The following NELL1 variants were observed in gnomAD, a reference collection of about 807,000 sequenced individuals.
NELL1 encodes protein kinase C-binding protein NELL1.
A neutral mutation model predicts 107.4 loss-of-function variants in NELL1; 76 were observed. That is an observed-to-expected ratio of 0.71 (90% confidence interval 0.59 to 0.86). The LOEUF (loss-of-function observed/expected upper bound fraction) is 0.86, where lower values mean the gene tolerates loss of function less well. NELL1 is among the 40% of genes least tolerant of loss of function. The probability of loss-of-function intolerance (pLI) is 0.00; values close to 1 mark genes in which losing one functional copy is unlikely to be tolerated. For missense variants in NELL1, 1,024 were observed against 1,005.5 expected (o/e 1.02, Z -0.25); for synonymous variants, 353 against 341.2 (o/e 1.03, Z -0.38).
At chr11:21,071,071 C>A (rs891014328) in intron 12 of NELL1, among the ~76,000 whole-genome samples, 1 of 152,158 alleles carries the variant, frequency 6.6e-6, no homozygotes, top group Non-Finnish European at 1.5e-5. Flanking sequence ...ATCACCATAG[C>A]TATGAGGTTA....
At chr11:20,932,266 T>A (rs1670265814) in intron 9 of NELL1, among the ~76,000 whole-genome samples, 1 of 151,670 alleles carries the variant, frequency 6.6e-6, no homozygotes, top group South Asian at 2.1e-4. Context: ...ATCTGTATTA[T>A]TTTGGTAGAC....
chr11:21,543,234 T>G lies in NELL1; in HGVS notation c.1786+8720T>G, dbSNP rs187057895. ...TTAGTGTGGTCTCATTACTTCAAAA[T>G]TGTTGTTTCCAAAGAGCTTTACACA... is the stretch of plus-strand genomic sequence containing the variant. On this transcript the variant is annotated intron_variant, in intron 16 of 19. Transcript: ENST00000357134. Among the ~76,000 whole-genome samples, 14 of 152,212 alleles carry G rather than the reference T, an allele frequency of 9.2e-5. No individual in the cohort carries two copies. The East Asian group carries it at 2.5e-3, about 27-fold the overall frequency.
intron 14 of NELL1, among the ~76,000 whole-genome samples, chr11:21,233,126 G>A (rs1858108358): frequency 6.6e-6 from 1 of 152,172 alleles, no homozygotes; most frequent in African/African-American, 2.4e-5. Flanking sequence ...TCTCTCAGAT[G>A]GGTTTCCGTG....
At chr11:21,450,092 A>C (rs73461286) in intron 15 of NELL1, among the ~76,000 whole-genome samples, 3,895 of 152,290 alleles carry the variant, frequency 0.026, 178 homozygotes, top group African/African-American at 0.087. Flanking sequence ...ATGGCTAGTA[A>C]TGATGCAGCT....
chr11:21,219,255 T>A (rs1276268027), intron 13 of NELL1, among the ~76,000 whole-genome samples: 1 of 152,186 alleles, frequency 6.6e-6, no homozygotes, highest in African/African-American at 2.4e-5. Flanking sequence ...TTTAAAAATA[T>A]CTTTGTTGTC....
intron 14 of NELL1, among the ~76,000 whole-genome samples, chr11:21,267,206 C>A (rs1463883375): frequency 6.6e-6 from 1 of 151,926 alleles, no homozygotes; most frequent in Non-Finnish European, 1.5e-5. Flanking sequence ...ATCTCCAAAT[C>A]AAAGACAAAG....
At chr11:21,144,025 A>G (rs941822916) in intron 13 of NELL1, among the ~76,000 whole-genome samples, 1 of 152,224 alleles carries the variant, frequency 6.6e-6, no homozygotes, top group Non-Finnish European at 1.5e-5. Context: ...TGGGTTAAGT[A>G]TAAAGTCTGA....
intron 14 of NELL1, among the ~76,000 whole-genome samples, chr11:21,330,342 A>G (rs1404857486): frequency 1.3e-5 from 2 of 152,170 alleles, no homozygotes; most frequent in Non-Finnish European, 2.9e-5. Flanking sequence ...ACCATGTGGA[A>G]TAGAATTCCA....
At chr11:21,427,890 T>C (rs1852867116) in intron 15 of NELL1, among the ~76,000 whole-genome samples, 1 of 152,162 alleles carries the variant, frequency 6.6e-6, no homozygotes, top group Admixed American at 6.5e-5. Context: ...TAAAAGCCAC[T>C]GCAACTTCCC....
At chr11:21,429,862 C>G (rs1184473708) in intron 15 of NELL1, among the ~76,000 whole-genome samples, 2 of 152,128 alleles carry the variant, frequency 1.3e-5, no homozygotes, top group African/African-American at 4.8e-5. Flanking sequence ...AGAGGGACAT[C>G]AGCTCTTTAA....
intron 3 of NELL1, among the ~76,000 whole-genome samples, chr11:20,836,831 AGG>A (rs1357015695): frequency 5.7e-4 from 14 of 24,416 alleles, no homozygotes; most frequent in Admixed American, 5.5e-3. Context: ...TGAAAAACAG[AGG>A]AATTTTTTAG....
chr11:21,023,951 GA>G (rs1852757356), intron 12 of NELL1, among the ~76,000 whole-genome samples: 2 of 152,110 alleles, frequency 1.3e-5, no homozygotes, highest in Admixed American at 6.5e-5. Flanking sequence ...GTGTTGCATA[GA>G]AACTATTCTA....
intron 15 of NELL1, among the ~76,000 whole-genome samples, chr11:21,372,763 A>AT (rs1851385173): frequency 6.6e-6 from 1 of 151,920 alleles, no homozygotes; most frequent in Non-Finnish European, 1.5e-5. Context: ...TAACATTCTT[A>AT]TTTTTTTACA....
chr11:21,266,387 C>T (rs1364850648), intron 14 of NELL1, among the ~76,000 whole-genome samples: 2 of 152,026 alleles, frequency 1.3e-5, no homozygotes, highest in Non-Finnish European at 2.9e-5. Flanking sequence ...ATATCAGGAA[C>T]CTTGCACAGG....
At chr11:20,845,107 G>GTT (rs1361712169) in intron 3 of NELL1, among the ~76,000 whole-genome samples, 1 of 152,168 alleles carries the variant, frequency 6.6e-6, no homozygotes, top group East Asian at 1.9e-4. Context: ...TCTGACATGT[G>GTT]TTTTCAAAAA....
At chr11:21,216,405 C>T (rs529469512) in intron 13 of NELL1, among the ~76,000 whole-genome samples, 1 of 152,168 alleles carries the variant, frequency 6.6e-6, no homozygotes, top group Non-Finnish European at 1.5e-5. Context: ...GGCCACCATC[C>T]TTCAGATCCC....
intron 4 of NELL1, among the ~76,000 whole-genome samples, chr11:20,878,898 T>C (rs1282335239): frequency 1.3e-5 from 2 of 152,204 alleles, no homozygotes; most frequent in Non-Finnish European, 2.9e-5. Flanking sequence ...ACGAGGCTCC[T>C]TATCTTAAGG....
chr11:20,772,405 C>T (rs1422476663), intron 2 of NELL1, among the ~76,000 whole-genome samples: 1 of 152,162 alleles, frequency 6.6e-6, no homozygotes, highest in Non-Finnish European at 1.5e-5. Flanking sequence ...TTGGATAAGT[C>T]ACTTATTTTC....
intron 2 of NELL1, among the ~76,000 whole-genome samples, chr11:20,680,480 A>G (rs538903048): frequency 1.3e-5 from 2 of 152,186 alleles, no homozygotes; most frequent in African/African-American, 4.8e-5. Context: ...TGGGGGAAAA[A>G]TTTCTCTTTA....
Sources: gnomAD v4.1 joint callset for allele counts (sites outside exome capture counted in the v4.1 genomes callset) on GRCh38, gnomAD v4.1.1 for gene constraint, MANE v1.5 for transcripts, NCBI Gene and HGNC (gene_info 2026-07-23, HGNC 2026-07-21) for gene names.